The following PLD1 variants were observed in gnomAD, a reference collection of about 807,000 sequenced individuals.
The protein encoded by PLD1 is choline phosphatase 1.
PLD1 carries 112 observed loss-of-function variants against 137.1 expected under a neutral mutation model. That is an observed-to-expected ratio of 0.82 (90% CI 0.70 to 0.96). The LOEUF is 0.96. Among genes scored for constraint, PLD1 ranks in the 40% least tolerant of loss-of-function variants. The pLI is 0.00. For synonymous variants in PLD1, 431 were observed against 454.7 expected, an observed-to-expected ratio of 0.95 and a Z score of 0.66; for missense variants, 1,321 against 1,342.0, an observed-to-expected ratio of 0.98 and a Z score of 0.24.
intron 1 of PLD1, among the ~76,000 whole-genome samples, chr3:171,779,545 A>G (rs1045625357): frequency 1.3e-4 from 20 of 152,200 alleles, no homozygotes; most frequent in African/African-American, 4.8e-4. Flanking sequence ...TAGATATCCA[A>G]ACGAAGAGAA....
intron 1 of PLD1, among the ~76,000 whole-genome samples, chr3:171,773,278 A>G (rs149771511): frequency 0.01 from 1,579 of 152,326 alleles, 29 homozygotes; most frequent in African/African-American, 0.036. Context: ...TGACTTTTAA[A>G]TGAGCCCAAG....
At chr3:171,646,367 T>A (rs1241875730) in intron 21 of PLD1, among the ~76,000 whole-genome samples, 1 of 152,222 alleles carries the variant, frequency 6.6e-6, no homozygotes, top group Non-Finnish European at 1.5e-5. Flanking sequence ...ATATTATCAG[T>A]ACTCTTTGGG....
At chr3:171,801,229 C>T (rs1723632510) in intron 1 of PLD1, among the ~76,000 whole-genome samples, 1 of 152,180 alleles carries the variant, frequency 6.6e-6, no homozygotes, top group Non-Finnish European at 1.5e-5. Flanking sequence ...AGACTCTGTG[C>T]TTGATAAATT....
intron 21 of PLD1, among the ~76,000 whole-genome samples, chr3:171,654,799 G>C (rs988153150): frequency 2.7e-5 from 4 of 148,820 alleles, no homozygotes; most frequent in African/African-American, 9.8e-5. Context: ...TTTGTTTTTT[G>C]TTTTTTTTTT....
chr3:171,668,589 CT>C (rs1712405429), intron 19 of PLD1, among the ~76,000 whole-genome samples: 2 of 149,270 alleles, frequency 1.3e-5, no homozygotes, highest in African/African-American at 5.0e-5. Context: ...CTTTCTCATT[CT>C]TTCTTCCTTC....
chr3:171,706,704 T>G (rs1216069535), intron 11 of PLD1, among the ~76,000 whole-genome samples: 1 of 152,254 alleles, frequency 6.6e-6, no homozygotes, highest in Non-Finnish European at 1.5e-5. Context: ...AGTTTCTGAA[T>G]GCTCCTTTTT....
chr3:171,620,612 G>T, intron 23 of PLD1, 92 bp from the exon 24 acceptor site: 2 of 672,762 alleles, frequency 3.0e-6, no homozygotes, highest in South Asian at 2.1e-5. Flanking sequence ...ATACTACTTA[G>T]ACTGTTCAGA....
intron 24 of PLD1, among the ~76,000 whole-genome samples, chr3:171,617,705 A>T (rs775435184): frequency 4.6e-5 from 7 of 152,226 alleles, no homozygotes; most frequent in Non-Finnish European, 8.8e-5. Flanking sequence ...AGGGTTACCC[A>T]GGGCCACAGG....
chr3:171,699,580 T>C (rs558947194), intron 12 of PLD1, among the ~76,000 whole-genome samples, 165 bp downstream of exon 12: 28 of 152,288 alleles, frequency 1.8e-4, no homozygotes, highest in African/African-American at 5.5e-4. Flanking sequence ...TCAAAAGCAA[T>C]AGGAATAAAA....
chr3:171,623,918 C>T (rs888469789), intron 23 of PLD1, among the ~76,000 whole-genome samples: 7 of 149,864 alleles, frequency 4.7e-5, no homozygotes, highest in Non-Finnish European at 7.4e-5. Flanking sequence ...GCAAATGAAA[C>T]CAGACAAGTG....
At chr3:171,675,954 TGCCTC>T (rs1713307647) in intron 18 of PLD1, among the ~76,000 whole-genome samples, 3 of 151,866 alleles carry the variant, frequency 2.0e-5, no homozygotes, top group African/African-American at 7.3e-5. Context: ...GTGATTTTCC[TGCCTC>T]AGCCTCCAGA....
At chr3:171,790,280 G>A (rs1470584796) in intron 1 of PLD1, among the ~76,000 whole-genome samples, 1 of 152,168 alleles carries the variant, frequency 6.6e-6, no homozygotes, top group Non-Finnish European at 1.5e-5. Flanking sequence ...TTTCAAGCTT[G>A]TTTAGCCAGT....
chr3:171,627,016 T>C (rs1734174355), intron 23 of PLD1, among the ~76,000 whole-genome samples: 1 of 151,968 alleles, frequency 6.6e-6, no homozygotes, highest in African/African-American at 2.4e-5. Flanking sequence ...CAATATTAAC[T>C]TTAAATGTAA....
chr3:171,766,730 CTT>C (rs1294380751), intron 1 of PLD1, among the ~76,000 whole-genome samples: 2 of 152,108 alleles, frequency 1.3e-5, no homozygotes, highest in African/African-American at 4.8e-5. Context: ...AATCTATTGA[CTT>C]TTTCCTTTTG....
At chr3:171,777,297 C>A (rs1027160486) in intron 1 of PLD1, among the ~76,000 whole-genome samples, 5 of 152,166 alleles carry the variant, frequency 3.3e-5, no homozygotes, top group African/African-American at 7.2e-5. Context: ...GTCCCAGGAA[C>A]CGGAGAGCTG....
intron 9 of PLD1, among the ~76,000 whole-genome samples, chr3:171,711,088 C>T (rs1450145233): frequency 2.0e-5 from 3 of 150,158 alleles, no homozygotes; most frequent in East Asian, 3.9e-4. Context: ...AGGCTGGTCT[C>T]GAACTCTCAA....
chr3:171,740,002 G>A (rs930792263), intron 1 of PLD1, among the ~76,000 whole-genome samples: 5 of 152,078 alleles, frequency 3.3e-5, no homozygotes, highest in South Asian at 2.1e-4. Context: ...CCTGCAACTC[G>A]GTTACCACAG....
At chr3:171,648,776 G>A (rs1170041910) in intron 21 of PLD1, among the ~76,000 whole-genome samples, 5 of 152,028 alleles carry the variant, frequency 3.3e-5, no homozygotes, top group African/African-American at 1.2e-4. Context: ...GGATGGTCTC[G>A]ATATCCTGAC....
At chr3:171,627,604 T>C (rs1734239152) in intron 23 of PLD1, among the ~76,000 whole-genome samples, 1 of 152,108 alleles carries the variant, frequency 6.6e-6, no homozygotes, top group Admixed American at 6.5e-5. Flanking sequence ...GACCACATAG[T>C]TGGAAGTAAA....
Sources: gnomAD v4.1 joint callset for allele counts (sites outside exome capture counted in the v4.1 genomes callset) on GRCh38, gnomAD v4.1.1 for gene constraint, MANE v1.5 for transcripts, NCBI Gene and HGNC (gene_info 2026-07-23, HGNC 2026-07-21) for gene names.